TRMT44: variants seen among roughly 807,000 people sequenced by gnomAD.
TRMT44 encodes tRNA methyltransferase 44 homolog.
A neutral mutation model predicts 77.3 loss-of-function variants in TRMT44; 78 were observed. The observed-to-expected ratio is 1.01, with a 90% CI of 0.84 to 1.22. TRMT44 has a LOEUF of 1.22. Ranked by LOEUF, TRMT44 falls within the 50% of genes most tolerant of loss-of-function variation. The pLI is 0.00. For missense variants in TRMT44, 1,090 were observed against 964.4 expected (o/e 1.13, Z -1.73); for synonymous variants, 391 against 383.3 (o/e 1.02, Z -0.23).
chr4:8,498,898 G>A, the TRMT44 span, among the ~76,000 whole-genome samples: 4 of 152,154 alleles, frequency 2.6e-5, no homozygotes, highest in South Asian at 2.1e-4. This position sits in a 1 kb window ranked among gnomAD's most constrained non-coding sequence, Gnocchi z 4.3. Context: ...TATATTTGTC[G>A]GGGACTGGTG....
chr4:8,449,919 C>G, intron 3 of TRMT44, 31 bp downstream of exon 3: 1 of 845,086 alleles, frequency 1.2e-6, no homozygotes, highest in Non-Finnish European at 1.6e-6. Context: ...CTGATTTTTC[C>G]CCCTTCATGA....
the TRMT44 span, among the ~76,000 whole-genome samples, chr4:8,501,955 G>A: frequency 7.9e-5 from 12 of 152,344 alleles, no homozygotes; most frequent in South Asian, 1.2e-3. This position sits in a 1 kb window ranked among gnomAD's most constrained non-coding sequence, Gnocchi z 4.4. Flanking sequence ...CTGGCTTCCC[G>A]CCTCTTCCCG....
At chr4:8,506,723 C>T in the TRMT44 span, 1 of 152,308 alleles carries the variant, frequency 6.6e-6, no homozygotes, top group Non-Finnish European at 1.5e-5. Context: ...GCTGCTGGCC[C>T]CGCGTGGCCT....
In TRMT44 at chr4:8,444,726, G is replaced by T. The variant is rs1391312322; in HGVS notation, c.620-1750G>T. The stretch of plus-strand genomic sequence containing the variant: ...ATTGTACATTTTTAAATAACGAAAA[G>T]AGTGTAATTGGATTGTTTGTAACAC... On this transcript the variant is annotated intron_variant, in intron 1 of 10. Coordinates refer to ENST00000389737, the MANE Select transcript of TRMT44 (RefSeq NM_152544.3). The surrounding 1 kb of genome is among the most constrained non-coding windows in gnomAD (Gnocchi z 4.0). 2.0e-5 allele frequency among the ~76,000 whole-genome samples: 3 copies of T among 152,216 alleles called. No individual in the cohort carries two copies. Among genetic ancestry groups the T allele is most frequent in the East Asian group, 3.8e-4 (2 of 5,202 alleles).
At chr4:8,465,917 T>TG (rs919902282) in intron 8 of TRMT44, among the ~76,000 whole-genome samples, 1 of 152,226 alleles carries the variant, frequency 6.6e-6, no homozygotes, top group African/African-American at 2.4e-5. Flanking sequence ...CGCAGATAAT[T>TG]GGCTGCGATT....
At position 8,465,456 on chromosome 4, in the gene TRMT44, TA is replaced by T. The variant is rs751080307; in HGVS notation, c.1391del (p.Lys464ArgfsTer69). The T allele has an allele frequency of 1.9e-6, 3 of 1,614,006 alleles. No homozygotes were observed. In the African/African-American group the frequency reaches 4.0e-5, roughly 22 times the overall value. On this transcript the variant is annotated frameshift_variant, in exon 8 of 11. Coordinates refer to ENST00000389737, the MANE Select transcript of TRMT44 (RefSeq NM_152544.3). LOFTEE classifies it high-confidence loss of function. ...FIGRYSRRQSKKTQYREYLDF... is the reference protein window; with the variant it reads ...FIGRYSRRQSXKTQYREYLDF... Reference sequence around the variant, plus strand: ...TTGGAAGATACTCCCGGAGGCAGAGTAAGAAGACTCAGTACCGGGAATACCT... The same window carrying T: ...TTGGAAGATACTCCCGGAGGCAGAGTAGAAGACTCAGTACCGGGAATACCT...
At chr4:8,448,460 G>A (rs909018017) in intron 2 of TRMT44, among the ~76,000 whole-genome samples, 3 of 152,220 alleles carry the variant, frequency 2.0e-5, no homozygotes, top group African/African-American at 7.2e-5. Context: ...AGGCCTCTGA[G>A]AAGGGACATG....
chr4:8,454,772 AG>A lies in TRMT44; in HGVS notation c.1163del (p.Arg388LysfsTer13), dbSNP rs765025546. The A allele has an allele frequency of 7.4e-6, 12 of 1,614,246 alleles. No homozygotes were observed. Among genetic ancestry groups the A allele is most frequent in the Non-Finnish European group, 1.0e-5 (12 of 1,180,044 alleles). ...AGGCAGAGGGATTGATGTCCGAAGA[AG>A]AAAAATCTGGGACATGTATGGACCA... ...HPGRGIDVRRRKIWDMYGPQT... is the reference protein window; with the variant it reads ...HPGRGIDVRRXKIWDMYGPQT... On this transcript the variant is annotated frameshift_variant, in exon 6 of 11. Transcript: ENST00000389737. LOFTEE classifies it high-confidence loss of function.
intron 7 of TRMT44, among the ~76,000 whole-genome samples, chr4:8,464,313 T>A (rs913621548): frequency 6.6e-6 from 1 of 152,244 alleles, no homozygotes; most frequent in African/African-American, 2.4e-5. Flanking sequence ...CTGGAAAATA[T>A]AAAATTACTG....
rs1451459685 is a variant in TRMT44, at chr4:8,475,926, G to A, written c.2199G>A (p.Thr733=). ...MHHPDGCALS[T]DCCPFAHGPA... is the part of the protein sequence containing the mutation. ...ACCCTGATGGCTGCGCTCTGTCCAC[G>A]GACTGCTGCCCGTTTGCCCATGGGC... The change falls in exon 11 of 11, where the codon ACG becomes ACA. Residue 733 remains threonine (T), a synonymous_variant. Transcript: ENST00000389737. The A allele has an allele frequency of 1.2e-5, 19 of 1,614,156 alleles. No homozygotes were observed. Among genetic ancestry groups the A allele is most frequent in the Middle Eastern group, 1.6e-4 (1 of 6,062 alleles).
chr4:8,443,520 TG>T (rs1194603145), intron 1 of TRMT44, among the ~76,000 whole-genome samples: 6 of 152,254 alleles, frequency 3.9e-5, no homozygotes, highest in Admixed American at 3.9e-4. Context: ...AGCCTCTCTG[TG>T]CCTCAGTGTC....
intron 2 of TRMT44, among the ~76,000 whole-genome samples, chr4:8,488,004 T>C (rs1270184849): frequency 6.6e-6 from 1 of 151,894 alleles, no homozygotes; most frequent in Non-Finnish European, 1.5e-5. Flanking sequence ...ATGAAAGGAA[T>C]TGAAATTAAG....
chr4:8,475,916 C>G lies in TRMT44; in HGVS notation c.2189C>G (p.Ala730Gly). 3 of 1,614,220 alleles carry G rather than the reference C, an allele frequency of 1.9e-6. No individual in the cohort carries two copies. The highest frequency in any genetic ancestry group is 4.5e-5 in the East Asian group (2 of 44,884). ...TTCATGCATCACCCTGATGGCTGCG[C>G]TCTGTCCACGGACTGCTGCCCGTTT... is the stretch of plus-strand genomic sequence containing the variant. ...WFFMHHPDGC[A>G]LSTDCCPFAH... The change falls in exon 11 of 11, where the codon GCT becomes GGT. Residue 730 changes from alanine (A) to glycine (G), a missense_variant. By Grantham distance (60) the Ala-to-Gly change is moderately conservative (BLOSUM62 0). Transcript: ENST00000389737.
At chr4:8,497,909 A>G (rs1025955118), downstream of TRMT44, among the ~76,000 whole-genome samples, 2 of 152,116 alleles carry the variant, frequency 1.3e-5, no homozygotes, top group African/African-American at 4.8e-5. Flanking sequence ...GAGCTGTGCC[A>G]CTGGGGCTGG....
chr4:8,486,601 TA>T (rs1320665019), intron 2 of TRMT44, among the ~76,000 whole-genome samples: 6 of 152,258 alleles, frequency 3.9e-5, no homozygotes, highest in Non-Finnish European at 8.8e-5. Flanking sequence ...TCTAGGGCTG[TA>T]AAGCGTCTCG....
At chr4:8,516,308 C>T in the TRMT44 span, among the ~76,000 whole-genome samples, 1 of 152,180 alleles carries the variant, frequency 6.6e-6, no homozygotes, top group African/African-American at 2.4e-5. Flanking sequence ...TGAGATACCC[C>T]TTCAGGCTCT....
chr4:8,472,741 C>T lies in TRMT44; in HGVS notation c.2044+1541C>T, dbSNP rs1414497066. On this transcript the variant is annotated intron_variant, in intron 10 of 10. Coordinates refer to ENST00000389737, the MANE Select transcript of TRMT44 (RefSeq NM_152544.3). ...CAGGCGCAGAAGCGTGTCCCTGAGG[C>T]TGCCCCCAGAGTAGACACTGGGCCT... 5.9e-5 allele frequency among the ~76,000 whole-genome samples: 9 copies of T among 152,326 alleles called. No homozygotes were observed. In the East Asian group the frequency reaches 1.7e-3, roughly 29 times the overall value.
chr4:8,474,622 C>A (rs1727244898), intron 10 of TRMT44, among the ~76,000 whole-genome samples: 1 of 152,250 alleles, frequency 6.6e-6, no homozygotes, highest in Non-Finnish European at 1.5e-5. Flanking sequence ...AGCTTTAATT[C>A]CTACACTTTC....
At chr4:8,467,425 T>G (rs1726658424) in intron 8 of TRMT44, among the ~76,000 whole-genome samples, 1 of 152,212 alleles carries the variant, frequency 6.6e-6, no homozygotes, top group Non-Finnish European at 1.5e-5. Context: ...CTCTTACTGT[T>G]TTTTTAATTT....
Sources: gnomAD v4.1 joint callset for allele counts (sites outside exome capture counted in the v4.1 genomes callset) on GRCh38, gnomAD v4.1.1 for gene constraint, Gnocchi (gnomAD v3.1) non-coding constraint, MANE v1.5 for transcripts, NCBI Gene and HGNC (gene_info 2026-07-23, HGNC 2026-07-21) for gene names.